CREBBP: variants seen among roughly 807,000 people sequenced by gnomAD.
CREBBP encodes CREB binding lysine acetyltransferase, also known as CREB-binding protein.
A neutral mutation model predicts 265.0 loss-of-function variants in CREBBP; 19 were observed. The observed-to-expected ratio is 0.07, with a 90% CI of 0.05 to 0.11. The LOEUF (loss-of-function observed/expected upper bound fraction) is 0.11, where lower values mean the gene tolerates loss of function less well. CREBBP is among the 10% of genes least tolerant of loss of function. CREBBP has a pLI of 1.00. For synonymous variants in CREBBP, 1,457 were observed against 1,223.7 expected, an observed-to-expected ratio of 1.19 and a Z score of -3.98; for missense variants, 2,525 against 3,219.0, an observed-to-expected ratio of 0.78 and a Z score of 5.22.
Position 3,751,703 on chromosome 16 carries a change from G to A in CREBBP, c.3779+23C>T, listed in dbSNP as rs1051470838. 3.1e-6 allele frequency: 5 copies of A among 1,611,782 alleles called. No individual in the cohort carries two copies. In the African/African-American group the frequency reaches 6.7e-5, roughly 22 times the overall value. On this transcript the variant is annotated intron_variant, in intron 20 of 30. Transcript: ENST00000262367. The stretch of plus-strand genomic sequence containing the variant: ...TAAGGTCACCCTCCCTCACCCCAGA[G>A]AAAATGACAGGACGGTACTTACGTC...
chr16:3,738,428 G>A (rs2052123779), intron 26 of CREBBP, 131 bp downstream of exon 26: 9 of 691,154 alleles, frequency 1.3e-5, no homozygotes, highest in Non-Finnish European at 2.3e-5. Context: ...GAGCTTTGGA[G>A]ATTCTGAATT....
At chr16:3,849,183 G>GT (rs1220778962) in intron 2 of CREBBP, among the ~76,000 whole-genome samples, 17 of 151,518 alleles carry the variant, frequency 1.1e-4, no homozygotes, top group African/African-American at 3.4e-4. Flanking sequence ...CATCCACAGT[G>GT]TTTGTCACTT....
At chr16:3,760,157 T>C (rs1280489709) in intron 16 of CREBBP, among the ~76,000 whole-genome samples, 1 of 152,138 alleles carries the variant, frequency 6.6e-6, no homozygotes, top group Non-Finnish European at 1.5e-5. Context: ...AATGGCATCA[T>C]CTCAGCTCAC....
At chr16:3,791,740 AG>A (rs1398727236) in intron 5 of CREBBP, among the ~76,000 whole-genome samples, 3 of 152,188 alleles carry the variant, frequency 2.0e-5, no homozygotes, top group Non-Finnish European at 4.4e-5. Flanking sequence ...GCATGTATGC[AG>A]GGGGCAGGGA....
At chr16:3,874,856 A>T (rs1224760655) in intron 1 of CREBBP, among the ~76,000 whole-genome samples, 5 of 152,222 alleles carry the variant, frequency 3.3e-5, no homozygotes, top group African/African-American at 1.2e-4. Context: ...GAGTAAGGTA[A>T]AGAGGGGTGC....
At position 3,793,453 on chromosome 16, in the gene CREBBP, C is replaced by T. The variant is rs61759495; in HGVS notation, c.1149G>A (p.Pro383=). Residue 383 remains proline, a synonymous_variant, in exon 4 of 31, where the codon CCG becomes CCA. Coordinates refer to ENST00000262367, the MANE Select transcript of CREBBP (RefSeq NM_004380.3). ...ANGEVRACSL[P]HCRTMKNVLN... Reference sequence around the variant, plus strand: ...AAACGTTTTTCATGGTTCGACAATGCGGGAGCGAGCAGGCCCGAACCTCTC... The same window carrying T: ...AAACGTTTTTCATGGTTCGACAATGTGGGAGCGAGCAGGCCCGAACCTCTC... 2,674 of 1,614,070 alleles carry T rather than the reference C, an allele frequency of 1.7e-3. 12 individuals carry two copies. Among genetic ancestry groups the T allele is most frequent in the Admixed American group, 3.4e-3 (205 of 60,008 alleles).
At chr16:3,768,541 T>C (rs1054600911) in intron 15 of CREBBP, among the ~76,000 whole-genome samples, 2 of 152,176 alleles carry the variant, frequency 1.3e-5, no homozygotes, top group Non-Finnish European at 2.9e-5. Context: ...AAAAATCTCC[T>C]TGAAAGTTGG....
At chr16:3,817,869 C>G (rs899016635) in intron 2 of CREBBP, among the ~76,000 whole-genome samples, 1 of 152,066 alleles carries the variant, frequency 6.6e-6, no homozygotes, top group Non-Finnish European at 1.5e-5. Context: ...ATGTTCATTT[C>G]TGAGGGTCAC....
intron 9 of CREBBP, among the ~76,000 whole-genome samples, chr16:3,778,489 T>C (rs1024790089): frequency 3.9e-5 from 6 of 152,186 alleles, no homozygotes; most frequent in Admixed American, 6.5e-5. Context: ...ATAATGTAAA[T>C]TTATATACTC....
intron 23 of CREBBP, chr16:3,740,869 T>C (rs2052187073): frequency 5.0e-6 from 2 of 396,596 alleles, no homozygotes; most frequent in South Asian, 4.3e-5. Flanking sequence ...AGCAGATGGA[T>C]GTTTCCCTGT....
chr16:3,732,737 G>A (rs1183824633), intron 28 of CREBBP, among the ~76,000 whole-genome samples: 1 of 151,566 alleles, frequency 6.6e-6, no homozygotes, highest in Non-Finnish European at 1.5e-5. Context: ...TCTCGCTCTT[G>A]TCACCCAAGC....
chr16:3,818,303 CTTTTTTTTTTTT>C (rs71133660), intron 2 of CREBBP, among the ~76,000 whole-genome samples: 1 of 106,450 alleles, frequency 9.4e-6, no homozygotes, highest in African/African-American at 3.5e-5. Context: ...GTTTTCTTTT[CTTTTTTTTTTTT>C]TTTTTTTTTG....
At chr16:3,834,783 G>C (rs547664250) in intron 2 of CREBBP, among the ~76,000 whole-genome samples, 39 of 152,268 alleles carry the variant, frequency 2.6e-4, no homozygotes, top group African/African-American at 9.1e-4. Context: ...TGAACTAGGA[G>C]AACAGGGAAT....
chr16:3,831,760 G>T (rs530167379), intron 2 of CREBBP, among the ~76,000 whole-genome samples: 6 of 152,292 alleles, frequency 3.9e-5, no homozygotes, highest in African/African-American at 1.4e-4. Flanking sequence ...ACTTTGGGAG[G>T]CTGAGGCAGG....
chr16:3,823,456 C>T (rs564658945), intron 2 of CREBBP, among the ~76,000 whole-genome samples: 8 of 152,272 alleles, frequency 5.3e-5, no homozygotes, highest in Non-Finnish European at 1.0e-4. Context: ...ATGCCTTATA[C>T]CTGTGGCTAG....
rs879026614 is a variant in CREBBP at position 3,726,239 on chromosome 16, C to CGGG, written c.*1476_*1478dup. Reference sequence around the variant, plus strand: ...TGCCTCAGATTCTGGGAGTCGTGTACGGGGGGGGGGAGCCGCCTGAACACG... The same window carrying CGGG: ...TGCCTCAGATTCTGGGAGTCGTGTACGGGGGGGGGGGGGAGCCGCCTGAACACG... On this transcript the variant is annotated 3_prime_UTR_variant, in exon 31 of 31. Coordinates refer to ENST00000262367, the MANE Select transcript of CREBBP (RefSeq NM_004380.3). 2.4e-5 allele frequency: 4 copies of CGGG among 167,354 alleles called. No homozygotes were observed. The highest frequency in any genetic ancestry group is 1.3e-4 in the African/African-American group (4 of 30,394). 10.4% of individuals were successfully genotyped at this position (167,354 alleles called of 1,614,324 possible). A position where few individuals can be genotyped will look rare whatever the true frequency, so the allele number is the denominator to read the frequency against.
In CREBBP at chr16:3,850,398, C is replaced by T. The variant is rs1371299493; in HGVS notation, c.697G>A (p.Gly233Ser). 16 of 1,614,236 alleles carry T rather than the reference C, an allele frequency of 9.9e-6. No individual in the cohort carries two copies. The highest frequency in any genetic ancestry group is 1.4e-5 in the Non-Finnish European group (16 of 1,180,036). ...GMPYPTPAMQGASSSVLAETL... is the reference protein window; with the variant it reads ...GMPYPTPAMQSASSSVLAETL... ...TCAGCCAGCACGCTGCTCGAGGCGC[C>T]CTGCATGGCTGGAGTAGGGTACGGC... The change falls in exon 2 of 31, where the codon GGC becomes AGC. Residue 233 changes from glycine to serine, a missense_variant. By Grantham distance (56) the Gly-to-Ser change is moderately conservative. Coordinates refer to ENST00000262367, the MANE Select transcript of CREBBP (RefSeq NM_004380.3).
chr16:3,832,717 C>T (rs546345457), intron 2 of CREBBP, among the ~76,000 whole-genome samples: 1 of 152,306 alleles, frequency 6.6e-6, no homozygotes, highest in Admixed American at 6.5e-5. Context: ...ATGTAGTCTG[C>T]TGCTGACCAA....
chr16:3,777,316 C>A (rs2053166094), intron 11 of CREBBP, among the ~76,000 whole-genome samples: 1 of 151,912 alleles, frequency 6.6e-6, no homozygotes, highest in Non-Finnish European at 1.5e-5. Context: ...GCCTGGGCGA[C>A]AGAGCGAGAC....
Sources: gnomAD v4.1 joint callset for allele counts (sites outside exome capture counted in the v4.1 genomes callset) on GRCh38, gnomAD v4.1.1 for gene constraint, MANE v1.5 for transcripts, NCBI Gene and HGNC (gene_info 2026-07-23, HGNC 2026-07-21) for gene names.